Variants in STPG2 observed in about 807,000 individuals in gnomAD.
STPG2 encodes sperm tail PG-rich repeat containing 2, also known as sperm-tail PG-rich repeat-containing protein 2.
A neutral mutation model predicts 54.2 loss-of-function variants in STPG2; 56 were observed. The observed-to-expected ratio is 1.03, with a 90% CI of 0.83 to 1.29. The LOEUF (loss-of-function observed/expected upper bound fraction) is 1.29, where lower values mean the gene tolerates loss of function less well. STPG2 is among the 50% of genes most tolerant of loss of function. The pLI is 0.00. For synonymous variants in STPG2, 200 were observed against 181.8 expected (o/e 1.10, Z -0.81); for missense variants, 596 against 544.9 (o/e 1.09, Z -0.93).
intron 3 of STPG2, among the ~76,000 whole-genome samples, chr4:98,112,408 T>G (rs1455680139): frequency 6.6e-6 from 1 of 152,104 alleles, no homozygotes; most frequent in East Asian, 1.9e-4. Context: ...CCATCTAGAT[T>G]TGTGTAAATA....
chr4:97,979,324 C>G (rs560714364), intron 6 of STPG2, among the ~76,000 whole-genome samples: 1 of 152,124 alleles, frequency 6.6e-6, no homozygotes, highest in Non-Finnish European at 1.5e-5. Context: ...TCATTCCCCC[C>G]AGAGAGCCTT....
At chr4:97,690,682 G>A (rs184664852) in intron 10 of STPG2, among the ~76,000 whole-genome samples, 3 of 152,086 alleles carry the variant, frequency 2.0e-5, no homozygotes, top group Non-Finnish European at 4.4e-5. Flanking sequence ...TTGAATATAG[G>A]TGCTATTCAT....
intron 1 of STPG2, among the ~76,000 whole-genome samples, chr4:98,136,554 T>C (rs1409213937): frequency 1.3e-5 from 2 of 151,762 alleles, no homozygotes; most frequent in African/African-American, 4.8e-5. Flanking sequence ...ACTGAATGCA[T>C]ATTACTTTCA....
intron 10 of STPG2, among the ~76,000 whole-genome samples, chr4:97,590,229 A>C (rs1733102458): frequency 6.6e-6 from 1 of 152,122 alleles, no homozygotes; most frequent in Non-Finnish European, 1.5e-5. Flanking sequence ...GGTCTATGCA[A>C]CCTACCCCCA....
chr4:97,861,388 T>C (rs2149141175), intron 8 of STPG2, among the ~76,000 whole-genome samples: 1 of 152,262 alleles, frequency 6.6e-6, no homozygotes, highest in Admixed American at 6.5e-5. Flanking sequence ...TTGGCCACTG[T>C]TGGTGGGAAT....
intron 9 of STPG2, among the ~76,000 whole-genome samples, chr4:97,789,510 T>A (rs748715395): frequency 6.6e-6 from 1 of 152,094 alleles, no homozygotes; most frequent in East Asian, 1.9e-4. Flanking sequence ...TTTACAATTG[T>A]TATAGTCTTT....
chr4:98,005,495 C>T (rs2149278531), intron 5 of STPG2, among the ~76,000 whole-genome samples: 1 of 152,250 alleles, frequency 6.6e-6, no homozygotes, highest in Non-Finnish European at 1.5e-5. Context: ...TTCAGCTTTT[C>T]ACTATTGACT....
intron 10 of STPG2, among the ~76,000 whole-genome samples, chr4:97,697,104 G>A (rs991840950): frequency 1.3e-5 from 2 of 152,110 alleles, no homozygotes; most frequent in Admixed American, 1.3e-4. Context: ...TGTTCACCTG[G>A]TCTAAACAAA....
intron 8 of STPG2, among the ~76,000 whole-genome samples, chr4:97,923,568 G>C (rs1214783050): frequency 1.3e-5 from 2 of 152,224 alleles, no homozygotes; most frequent in East Asian, 3.9e-4. Context: ...TCTAGCTCAA[G>C]GTTTGTAAAT....
At chr4:98,093,280 T>G (rs1738746548) in intron 5 of STPG2, among the ~76,000 whole-genome samples, 1 of 152,182 alleles carries the variant, frequency 6.6e-6, no homozygotes, top group South Asian at 2.1e-4. Flanking sequence ...AATATTTGTG[T>G]TTTTTAACAG....
intron 4 of STPG2, among the ~76,000 whole-genome samples, chr4:97,466,374 G>A (rs1021474458): frequency 6.6e-6 from 1 of 151,996 alleles, no homozygotes; most frequent in African/African-American, 2.4e-5. Context: ...GTTAAGATGA[G>A]TATGGTTTCT....
chr4:97,495,382 T>C (rs953485630), intron 4 of STPG2, among the ~76,000 whole-genome samples: 4 of 151,478 alleles, frequency 2.6e-5, no homozygotes, highest in African/African-American at 9.7e-5. Context: ...AAATATCAAA[T>C]TAAATATTAG....
chr4:97,915,587 G>C (rs1308737432), intron 8 of STPG2, among the ~76,000 whole-genome samples: 5 of 152,064 alleles, frequency 3.3e-5, no homozygotes. Flanking sequence ...TGAGGGTAAA[G>C]GCACATGACA....
At chr4:97,600,266 T>C (rs7662978) in intron 10 of STPG2, among the ~76,000 whole-genome samples, 20,122 of 152,150 alleles carry the variant, frequency 0.13, 4,104 homozygotes, top group African/African-American at 0.44. Context: ...TAATAGCACA[T>C]GTAAAAAGAA....
At chr4:97,783,880 G>T (rs1370750051) in intron 9 of STPG2, among the ~76,000 whole-genome samples, 1 of 151,808 alleles carries the variant, frequency 6.6e-6, no homozygotes, top group Non-Finnish European at 1.5e-5. Context: ...CGAACACTTG[G>T]ACACAGGAAG....
chr4:97,581,244 C>T (rs1242189743), intron 10 of STPG2, among the ~76,000 whole-genome samples: 61 of 152,138 alleles, frequency 4.0e-4, no homozygotes, highest in Non-Finnish European at 7.4e-5. Context: ...TTTTTTTGAG[C>T]AATGCCACTC....
At chr4:97,636,446 G>A (rs946104089) in intron 10 of STPG2, among the ~76,000 whole-genome samples, 2 of 144,236 alleles carry the variant, frequency 1.4e-5, no homozygotes, top group African/African-American at 5.4e-5. Flanking sequence ...AAAAGCAAGA[G>A]CAAACACATT....
At chr4:97,795,296 A>G (rs1047513371) in intron 9 of STPG2, among the ~76,000 whole-genome samples, 10 of 152,202 alleles carry the variant, frequency 6.6e-5, no homozygotes, top group Admixed American at 6.5e-4. Context: ...TGCTGCACCC[A>G]ATAACTCGTC....
intron 5 of STPG2, among the ~76,000 whole-genome samples, chr4:98,104,645 C>T (rs554540016): frequency 1.6e-4 from 24 of 152,238 alleles, no homozygotes; most frequent in African/African-American, 4.8e-4. Context: ...TTTTATCAGA[C>T]TTGTTTTCAC....
Sources: gnomAD v4.1 joint callset for allele counts (sites outside exome capture counted in the v4.1 genomes callset) on GRCh38, gnomAD v4.1.1 for gene constraint, MANE v1.5 for transcripts, NCBI Gene and HGNC (gene_info 2026-07-23, HGNC 2026-07-21) for gene names.